The following FNDC1 variants were observed in gnomAD, a reference collection of about 807,000 sequenced individuals.
The protein encoded by FNDC1 is fibronectin type III domain containing 1, also known as fibronectin type III domain-containing protein 1.
Under a neutral mutation model 168.0 loss-of-function variants are expected in FNDC1, and 96 were observed. The ratio of observed to expected loss-of-function variants is 0.57; its 90% CI spans 0.48 to 0.68. FNDC1 has a LOEUF of 0.68. Among genes scored for constraint, FNDC1 ranks in the 30% least tolerant of loss-of-function variants. The pLI is 0.00. For missense variants in FNDC1, 2,587 were observed against 2,482.1 expected (o/e 1.04, Z -0.90); for synonymous variants, 1,099 against 1,025.9 (o/e 1.07, Z -1.36).
In FNDC1 at chr6:159,267,999, C is replaced by T. The variant is rs115821481; in HGVS notation, c.5569+73C>T. On this transcript the variant is annotated intron_variant, in intron 22 of 22. Transcript: ENST00000297267. Reference sequence around the variant, plus strand: ...AGGATTAATAGAGGGGGAAAATCCACAGTAGGTCTGCCTTTGCCTTGTCAT... The same window carrying T: ...AGGATTAATAGAGGGGGAAAATCCATAGTAGGTCTGCCTTTGCCTTGTCAT... The T allele has an allele frequency of 2.9e-3, 4,393 of 1,498,612 alleles. 115 individuals are homozygous for T. The African/African-American group carries it at 0.053, about 18-fold the overall frequency. 92.8% of individuals were successfully genotyped at this position (1,498,612 alleles called of 1,614,324 possible).
rs1583861242 is a variant in FNDC1, at chr6:159,193,972, A to C, written c.110-3459A>C. Among the ~76,000 whole-genome samples the C allele has an allele frequency of 2.0e-5, 3 of 152,336 alleles. No individual in the cohort carries two copies. In the South Asian group the frequency reaches 6.2e-4, roughly 32 times the overall value. ...AATATTATTTTGCCACTCAGTCCCCAGCAAAATATTCTTGAATCTGAGTAA... is the reference window on the plus strand; with the variant it reads ...AATATTATTTTGCCACTCAGTCCCCCGCAAAATATTCTTGAATCTGAGTAA... On this transcript the variant is annotated intron_variant, in intron 1 of 22. Transcript: ENST00000297267.
chr6:159,236,678 G>A (rs983913955), intron 12 of FNDC1, among the ~76,000 whole-genome samples: 1 of 152,066 alleles, frequency 6.6e-6, no homozygotes, highest in Non-Finnish European at 1.5e-5. Context: ...TTATTTTTAG[G>A]TTTTGTTTAT....
Position 159,263,564 on chromosome 6 carries a change from C to T in FNDC1, c.5255-1411C>T, listed in dbSNP as rs1180297889. On this transcript the variant is annotated intron_variant, in intron 19 of 22. Transcript: ENST00000297267. Reference sequence around the variant, plus strand: ...GATCACGAGGTCATGAGATCGAGACCATCCTGGCTAACACAGTGAAATCCT... The same window carrying T: ...GATCACGAGGTCATGAGATCGAGACTATCCTGGCTAACACAGTGAAATCCT... 4.6e-5 allele frequency among the ~76,000 whole-genome samples: 7 copies of T among 152,208 alleles called. No individual in the cohort carries two copies. In the East Asian group the frequency reaches 1.4e-3, roughly 29 times the overall value.
At chr6:159,199,258 G>A (rs1316333742) in intron 2 of FNDC1, among the ~76,000 whole-genome samples, 1 of 152,158 alleles carries the variant, frequency 6.6e-6, no homozygotes, top group African/African-American at 2.4e-5. Context: ...GCCCTCCCCT[G>A]TAACATGGGT....
intron 15 of FNDC1, among the ~76,000 whole-genome samples, chr6:159,247,982 A>G (rs775434754): frequency 6.6e-6 from 1 of 152,206 alleles, no homozygotes; most frequent in Non-Finnish European, 1.5e-5. Context: ...CCTTTTCTGC[A>G]ATTATTCATA....
intron 20 of FNDC1, 86 bp from the exon 21 acceptor site, chr6:159,265,998 G>A: frequency 7.1e-7 from 1 of 1,408,110 alleles, no homozygotes; most frequent in Non-Finnish European, 9.9e-7. Flanking sequence ...GAAGGCCCAG[G>A]AAGTCAGTGC....
chr6:159,264,910 C>A (rs896144384), intron 19 of FNDC1, 65 bp from the exon 20 acceptor site: 1 of 1,372,716 alleles, frequency 7.3e-7, no homozygotes. Context: ...TTACACTAAC[C>A]ATTTAAAGAA....
At position 159,261,216 on chromosome 6, in the gene FNDC1, A is replaced by G; in HGVS notation, c.5201A>G (p.Asn1734Ser). 2 of 1,613,170 alleles carry G rather than the reference A, an allele frequency of 1.2e-6. No individual in the cohort carries two copies. The highest frequency in any genetic ancestry group is 1.7e-6 in the Non-Finnish European group (2 of 1,179,518). The change falls in exon 19 of 23, where the codon AAT (asparagine) becomes AGT (serine). Residue 1734 changes from asparagine to serine, a missense_variant. Coordinates refer to ENST00000297267, the MANE Select transcript of FNDC1 (RefSeq NM_032532.3). ...TATTATTTTAAAGTGCAAGCACAAA[A>G]TCCTCATGGCTACGGACCTATCAGC... ...TRYYFKVQAQ[N>S]PHGYGPISPS...
intron 4 of FNDC1, among the ~76,000 whole-genome samples, chr6:159,204,051 T>C (rs1782433231): frequency 6.6e-6 from 1 of 152,264 alleles, no homozygotes; most frequent in Non-Finnish European, 1.5e-5. Context: ...GTCTAATTTC[T>C]GCCTCATTTT....
intron 5 of FNDC1, among the ~76,000 whole-genome samples, chr6:159,219,605 C>A (rs538499607): frequency 6.6e-6 from 1 of 152,100 alleles, no homozygotes; most frequent in Non-Finnish European, 1.5e-5. Flanking sequence ...AATGAAGATG[C>A]GCGCGTGAGA....
chr6:159,184,002 T>G (rs1470116981), intron 1 of FNDC1, among the ~76,000 whole-genome samples: 1 of 152,232 alleles, frequency 6.6e-6, no homozygotes, highest in Non-Finnish European at 1.5e-5. Flanking sequence ...GAACAAAGTA[T>G]AGTAGAAAGA....
rs1026360278 is a variant in FNDC1, at chr6:159,200,642, G to A, written c.460+61G>A. 7 of 1,361,700 alleles carry A rather than the reference G, an allele frequency of 5.1e-6. No individual in the cohort carries two copies. In the Admixed American group the frequency reaches 6.2e-5, roughly 12 times the overall value. The allele number at this position is 1,361,700 out of a possible 1,614,324, so 84.4% of individuals were successfully genotyped here. On this transcript the variant is annotated intron_variant, in intron 4 of 22. Coordinates refer to ENST00000297267, the MANE Select transcript of FNDC1 (RefSeq NM_032532.3). Reference sequence around the variant, plus strand: ...CACTGAAGCATCGTCTCGCAAGAGAGTTGTGCTTCCGTCACACACATGTGC... The same window carrying A: ...CACTGAAGCATCGTCTCGCAAGAGAATTGTGCTTCCGTCACACACATGTGC...
chr6:159,232,165 C>T lies in FNDC1; in HGVS notation c.1653C>T (p.Asp551=). Residue 551 remains aspartate (D), a synonymous_variant, in exon 11 of 23, where the codon GAC becomes GAT. Transcript: ENST00000297267. This position sits in a 1 kb window ranked among gnomAD's most constrained non-coding sequence, Gnocchi z 4.9. The part of the protein sequence containing the change: ...TGEEELGSRE[D]SPMSPSDTQD... The stretch of plus-strand genomic sequence containing the variant: ...AGGAGGAGCTGGGTTCCCGGGAGGA[C>T]TCGCCCATGTCACCCTCAGACACCC... 1 of 1,613,884 alleles carries T rather than the reference C, an allele frequency of 6.2e-7. No individual in the cohort carries two copies. Among genetic ancestry groups the T allele is most frequent in the African/African-American group, 1.3e-5 (1 of 75,036 alleles).
intron 1 of FNDC1, among the ~76,000 whole-genome samples, chr6:159,175,385 G>A (rs1037540281): frequency 3.3e-5 from 5 of 151,988 alleles, no homozygotes; most frequent in African/African-American, 1.2e-4. Flanking sequence ...CAGTCTTTGC[G>A]GTCCAGATCC....
chr6:159,199,835 T>A (rs986003510), intron 2 of FNDC1, among the ~76,000 whole-genome samples, 161 bp from the exon 3 acceptor site: 3 of 152,134 alleles, frequency 2.0e-5, no homozygotes, highest in African/African-American at 7.2e-5. Flanking sequence ...GATTTTAATT[T>A]AAAAAAAGAG....
intron 5 of FNDC1, 71 bp downstream of exon 5, chr6:159,215,222 T>C (rs1405628165): frequency 2.2e-6 from 3 of 1,352,836 alleles, no homozygotes; most frequent in East Asian, 2.3e-5. Context: ...TAGAAGCTCA[T>C]TCATGACAGA....
chr6:159,178,738 G>A (rs548384389), intron 1 of FNDC1, among the ~76,000 whole-genome samples: 19 of 151,268 alleles, frequency 1.3e-4, no homozygotes, highest in Non-Finnish European at 2.7e-4. Context: ...TAGCTTGCAA[G>A]TGTTTTTCTT....
intron 4 of FNDC1, among the ~76,000 whole-genome samples, chr6:159,213,666 G>T (rs1453318690): frequency 6.6e-6 from 1 of 151,254 alleles, no homozygotes; most frequent in African/African-American, 2.4e-5. Flanking sequence ...CAGTAGATCT[G>T]CTCATTTTAC....
At chr6:159,210,561 C>T (rs535749063) in intron 4 of FNDC1, among the ~76,000 whole-genome samples, 7 of 152,280 alleles carry the variant, frequency 4.6e-5, no homozygotes, top group South Asian at 4.1e-4. Context: ...AGGGACTTTA[C>T]GTAAGTATTG....
Sources: gnomAD v4.1 joint callset for allele counts (sites outside exome capture counted in the v4.1 genomes callset) on GRCh38, gnomAD v4.1.1 for gene constraint, Gnocchi (gnomAD v3.1) non-coding constraint, MANE v1.5 for transcripts, NCBI Gene and HGNC (gene_info 2026-07-23, HGNC 2026-07-21) for gene names.